BEAN1: variants seen among roughly 807,000 people sequenced by gnomAD.
BEAN1 encodes brain expressed associated with NEDD4 1, also known as protein BEAN1.
BEAN1 carries 17 observed loss-of-function variants against 17.7 expected under a neutral mutation model. The ratio of observed to expected loss-of-function variants is 0.96; its 90% CI spans 0.66 to 1.44. The LOEUF is 1.44. Ranked by LOEUF, BEAN1 falls within the 40% of genes most tolerant of loss-of-function variation. The probability of loss-of-function intolerance (pLI) is 0.00; values close to 1 mark genes in which losing one functional copy is unlikely to be tolerated. For missense variants in BEAN1, 359 were observed against 374.1 expected (o/e 0.96, Z 0.33); for synonymous variants, 142 against 151.8 (o/e 0.94, Z 0.47).
At chr16:66,459,106 C>G (rs1297151284) in intron 2 of BEAN1, among the ~76,000 whole-genome samples, 1 of 152,224 alleles carries the variant, frequency 6.6e-6, no homozygotes, top group African/African-American at 2.4e-5. Context: ...CAGCTCTGTG[C>G]TCACCTCTGT....
At chr16:66,482,898 C>G (rs1166759938), downstream of BEAN1, 1 of 456,144 alleles carries the variant, frequency 2.2e-6, no homozygotes, top group Non-Finnish European at 4.4e-6. Flanking sequence ...ACTCAGTCGC[C>G]TACGCTGGAG....
At chr16:66,468,941 A>T (rs1281196524) in intron 2 of BEAN1, among the ~76,000 whole-genome samples, 1 of 151,926 alleles carries the variant, frequency 6.6e-6, no homozygotes, top group Non-Finnish European at 1.5e-5. Flanking sequence ...TGCTCCCACC[A>T]CACCACATCC....
At position 66,482,677 on chromosome 16, in the gene BEAN1, G is replaced by A. The variant is rs1597053952; in HGVS notation, c.*1752G>A. The A allele has an allele frequency of 1.4e-5, 5 of 361,630 alleles. No individual in the cohort carries two copies. Among genetic ancestry groups the A allele is most frequent in the South Asian group, 8.5e-5 (4 of 47,142 alleles). The allele number at this position is 361,630 out of a possible 1,614,324, so 22.4% of individuals were successfully genotyped here. A position where few individuals can be genotyped will look rare whatever the true frequency, so the allele number is the denominator to read the frequency against. On this transcript the variant is annotated 3_prime_UTR_variant, in exon 5 of 5. Coordinates refer to ENST00000536005, the MANE Select transcript of BEAN1 (RefSeq NM_001178020.3). ...CCAGAGAGTGCTGGGGGAAAAAAAG[G>A]GATAAAAATTCCTACCTACTCATCA...
At chr16:66,492,832 C>T in intron 4 of BEAN1, 1 of 607,404 alleles carries the variant, frequency 1.6e-6, no homozygotes, top group Non-Finnish European at 2.9e-6. Context: ...GCCAAATGCC[C>T]TCATCCACGT....
rs556975930 is a variant in BEAN1, at chr16:66,480,913, G to A, written c.768G>A (p.Glu256=). The part of the protein sequence containing the change: ...TPTRAPASGP[E]RIV ...CCCGGGCCCCAGCCTCTGGCCCAGA[G>A]AGGATTGTGTGAGGGACCCAGCCAG... Residue 256 remains glutamate (E), a synonymous_variant, in exon 5 of 5, where the codon GAG becomes GAA. Transcript: ENST00000536005. 4.1e-6 allele frequency: 6 copies of A among 1,452,846 alleles called. No homozygotes were observed. The highest frequency in any genetic ancestry group is 2.5e-5 in the East Asian group (1 of 39,858). 90.0% of individuals were successfully genotyped at this position (1,452,846 alleles called of 1,614,324 possible).
chr16:66,441,165 G>C (rs1302857227), intron 2 of BEAN1, among the ~76,000 whole-genome samples: 2 of 152,324 alleles, frequency 1.3e-5, no homozygotes, highest in South Asian at 4.1e-4. Flanking sequence ...CTCAGTGCCT[G>C]GCACATAGGA....
intron 4 of BEAN1, among the ~76,000 whole-genome samples, chr16:66,479,754 T>C (rs1237502370): frequency 6.6e-6 from 1 of 151,802 alleles, no homozygotes; most frequent in Non-Finnish European, 1.5e-5. Flanking sequence ...TGCCCTCAGC[T>C]CCTGAGGACC....
intron 3 of BEAN1, among the ~76,000 whole-genome samples, chr16:66,470,993 A>C (rs2142436477): frequency 6.6e-6 from 1 of 152,358 alleles, no homozygotes; most frequent in East Asian, 1.9e-4. Flanking sequence ...TTCACACTGC[A>C]GGGTGAAGTG....
intron 1 of BEAN1, among the ~76,000 whole-genome samples, chr16:66,428,672 G>T (rs1041695011): frequency 2.0e-5 from 3 of 152,128 alleles, no homozygotes. Flanking sequence ...GATGATGCTG[G>T]TGAGGGTATG....
intron 2 of BEAN1, among the ~76,000 whole-genome samples, chr16:66,463,309 A>G (rs962721753): frequency 6.6e-6 from 1 of 152,164 alleles, no homozygotes; most frequent in Non-Finnish European, 1.5e-5. Context: ...AACACTTGGC[A>G]TTATCTGTCT....
intron 2 of BEAN1, among the ~76,000 whole-genome samples, chr16:66,438,806 C>A (rs35748389): frequency 3.9e-4 from 59 of 152,122 alleles, no homozygotes; most frequent in Middle Eastern, 3.4e-3. Context: ...TTCCCTGAGC[C>A]CCCCCCAAAC....
In BEAN1 at chr16:66,469,863, A is replaced by G; in HGVS notation, c.287A>G (p.Tyr96Cys). ...RRRHREYEHGYVSDEHTYSRS... is the reference protein window; with the variant it reads ...RRRHREYEHGCVSDEHTYSRS... Reference sequence around the variant, plus strand: ...CGACACCGAGAGTACGAGCACGGCTACGGTGAGCCGCCGCCCACCCTGGGG... The same window carrying G: ...CGACACCGAGAGTACGAGCACGGCTGCGGTGAGCCGCCGCCCACCCTGGGG... Residue 96 changes from tyrosine to cysteine, a missense_variant and splice_region_variant, in exon 3 of 5, where the codon TAC becomes TGC. Coordinates refer to ENST00000536005, the MANE Select transcript of BEAN1 (RefSeq NM_001178020.3). 6.5e-7 allele frequency: 1 copy of G among 1,533,040 alleles called. No homozygotes were observed. The highest frequency in any genetic ancestry group is 2.0e-4 in the Middle Eastern group (1 of 5,026). The allele number at this position is 1,533,040 out of a possible 1,614,324, so 95.0% of individuals were successfully genotyped here.
At chr16:66,487,753 G>A (rs1037700002), downstream of BEAN1, among the ~76,000 whole-genome samples, 2 of 152,152 alleles carry the variant, frequency 1.3e-5, no homozygotes, top group Non-Finnish European at 2.9e-5. Context: ...AGCTCACTAT[G>A]TGAACTTGAA....
intron 2 of BEAN1, among the ~76,000 whole-genome samples, chr16:66,466,596 G>A (rs528819135): frequency 1.3e-5 from 2 of 152,206 alleles, no homozygotes; most frequent in East Asian, 3.9e-4. Flanking sequence ...ATGGAGTTTT[G>A]CTCTTGTTGC....
At chr16:66,463,920 G>A (rs1387998686) in intron 2 of BEAN1, among the ~76,000 whole-genome samples, 1 of 152,150 alleles carries the variant, frequency 6.6e-6, no homozygotes, top group Non-Finnish European at 1.5e-5. Flanking sequence ...CACCCTTGCT[G>A]AAAATCCACT....
intron 4 of BEAN1, among the ~76,000 whole-genome samples, chr16:66,479,935 T>C (rs1371847470): frequency 6.6e-6 from 1 of 152,092 alleles, no homozygotes; most frequent in African/African-American, 2.4e-5. Flanking sequence ...GTTCCTCTCC[T>C]GCCAGCCCCC....
chr16:66,427,670 C>G lies in BEAN1; in HGVS notation c.-83+239C>G, dbSNP rs1219202021. 2.0e-5 allele frequency: 3 copies of G among 152,194 alleles called. No homozygotes were observed. The highest frequency in any genetic ancestry group is 4.4e-5 in the Non-Finnish European group (3 of 68,018). 9.4% of individuals were successfully genotyped at this position (152,194 alleles called of 1,614,324 possible). ...CCCGGGCTGGCCACTGGGATCTGCG[C>G]GAGCCGAGGCTGACCCTGATCGCGC... On this transcript the variant is annotated intron_variant, in intron 1 of 4. Transcript: ENST00000536005. The surrounding 1 kb of genome is among the most constrained non-coding windows in gnomAD (Gnocchi z 4.7).
At chr16:66,433,468 T>G (rs545371411) in intron 1 of BEAN1, among the ~76,000 whole-genome samples, 11 of 152,260 alleles carry the variant, frequency 7.2e-5, no homozygotes, top group Non-Finnish European at 5.9e-5. Context: ...TCCTCTGCAG[T>G]CACCGTTGCC....
chr16:66,475,449 TC>T (rs1392645937), intron 3 of BEAN1, among the ~76,000 whole-genome samples: 1 of 152,178 alleles, frequency 6.6e-6, no homozygotes, highest in African/African-American at 2.4e-5. Flanking sequence ...GCCCTGACTT[TC>T]CCCAGGGATC....
Sources: allele counts gnomAD v4.1 joint callset (sites outside exome capture counted in the v4.1 genomes callset), GRCh38; gene constraint gnomAD v4.1.1; non-coding constraint Gnocchi (gnomAD v3.1); transcripts MANE v1.5; gene names NCBI Gene and HGNC (gene_info 2026-07-23, HGNC 2026-07-21).